The following TDRP variants were observed in gnomAD, a reference collection of about 807,000 sequenced individuals.
The protein encoded by TDRP is testis development-related protein.
Under a neutral mutation model 10.5 loss-of-function variants are expected in TDRP, and 12 were observed. The ratio of observed to expected loss-of-function variants is 1.15; its 90% CI spans 0.73 to 1.86. The LOEUF is 1.86. Ranked by LOEUF, TDRP falls within the 40% of genes most tolerant of loss-of-function variation. The pLI is 0.00. For missense variants in TDRP, 353 were observed against 229.2 expected (o/e 1.54, Z -3.49); for synonymous variants, 139 against 95.4 (o/e 1.46, Z -2.67).
At chr8:494,028 C>G (rs576741893) in intron 2 of TDRP, among the ~76,000 whole-genome samples, 1 of 120,276 alleles carries the variant, frequency 8.3e-6, no homozygotes, top group Non-Finnish European at 1.6e-5. Flanking sequence ...CAGAGTCTTG[C>G]TCTGTTGCCT....
At chr8:538,496 A>G (rs1023096621) in intron 1 of TDRP, among the ~76,000 whole-genome samples, 3 of 152,190 alleles carry the variant, frequency 2.0e-5, no homozygotes, top group East Asian at 1.9e-4. Flanking sequence ...CCGCCTCAAT[A>G]AACACTAGTG....
intron 1 of TDRP, among the ~76,000 whole-genome samples, chr8:515,782 T>C (rs978867273): frequency 3.9e-5 from 6 of 152,154 alleles, no homozygotes; most frequent in Non-Finnish European, 7.4e-5. Context: ...CACTATATAA[T>C]TAAATAAGTA....
chr8:504,485 A>G (rs1801400783), intron 1 of TDRP, among the ~76,000 whole-genome samples: 1 of 152,236 alleles, frequency 6.6e-6, no homozygotes, highest in African/African-American at 2.4e-5. Context: ...AAGTGAAACG[A>G]GAACGGAGCC....
intron 1 of TDRP, among the ~76,000 whole-genome samples, chr8:540,717 G>C (rs929566868): frequency 3.6e-4 from 52 of 145,602 alleles, no homozygotes; most frequent in African/African-American, 1.2e-3. Context: ...AATTATTTTA[G>C]TAATAGTTAA....
intron 1 of TDRP, among the ~76,000 whole-genome samples, chr8:499,533 A>T (rs1801228042): frequency 6.6e-6 from 1 of 152,156 alleles, no homozygotes. Flanking sequence ...ATGCACCTCC[A>T]TGGAGAACAA....
Position 534,340 on chromosome 8 carries a change from G to C in TDRP, c.108+10310C>G, listed in dbSNP as rs1447299509. ...TGCTGTTAAGGGAAACACAAGGCTA[G>C]GGTTCCCGCGAGCCTCTGAATAACA... On this transcript the variant is annotated intron_variant, in intron 1 of 2. Coordinates refer to ENST00000324079, the MANE Select transcript of TDRP (RefSeq NM_001384899.1). 2.6e-5 allele frequency among the ~76,000 whole-genome samples: 4 copies of C among 152,342 alleles called. No individual in the cohort carries two copies. The South Asian group carries it at 8.3e-4, about 32-fold the overall frequency.
At chr8:536,821 C>A (rs533530003) in intron 1 of TDRP, among the ~76,000 whole-genome samples, 1 of 152,098 alleles carries the variant, frequency 6.6e-6, no homozygotes, top group Non-Finnish European at 1.5e-5. Flanking sequence ...CAGCTGAATC[C>A]GGAGCGAATA....
chr8:512,866 G>A (rs113681402), intron 1 of TDRP, among the ~76,000 whole-genome samples: 3 of 152,032 alleles, frequency 2.0e-5, no homozygotes, highest in African/African-American at 4.8e-5. Context: ...CAGCTACTCA[G>A]GAGGCTGAGG....
rs1248637804 is a variant in TDRP, at chr8:491,507, A to G, written c.*892T>C. The G allele has an allele frequency of 1.8e-6, 2 of 1,110,088 alleles. No individual in the cohort carries two copies. Among genetic ancestry groups the G allele is most frequent in the Middle Eastern group, 2.0e-4 (1 of 4,996 alleles). 68.8% of individuals were successfully genotyped at this position (1,110,088 alleles called of 1,614,324 possible). A position where few individuals can be genotyped will look rare whatever the true frequency, so the allele number is the denominator to read the frequency against. On this transcript the variant is annotated 3_prime_UTR_variant, in exon 3 of 3. Coordinates refer to ENST00000324079, the MANE Select transcript of TDRP (RefSeq NM_001384899.1). ...AAACACAGCTTCTTACAGATCTAACACCAATCACAATAGGCATCTCGCTTT... is the reference window on the plus strand; with the variant it reads ...AAACACAGCTTCTTACAGATCTAACGCCAATCACAATAGGCATCTCGCTTT...
At position 490,050 on chromosome 8, in the gene TDRP, G is replaced by A. The variant is rs1217885401; in HGVS notation, c.*2349C>T. On this transcript the variant is annotated 3_prime_UTR_variant, in exon 3 of 3. Transcript: ENST00000324079. ...ATTAAAAAATAAAAAAAGTACAGTAGAAGGAGCACAGGACAACTCTCTTCA... is the reference window on the plus strand; with the variant it reads ...ATTAAAAAATAAAAAAAGTACAGTAAAAGGAGCACAGGACAACTCTCTTCA... The A allele has an allele frequency of 6.6e-6, 1 of 152,198 alleles. No individual in the cohort carries two copies. Among genetic ancestry groups the A allele is most frequent in the African/African-American group, 2.4e-5 (1 of 41,444 alleles). 9.4% of individuals were successfully genotyped at this position (152,198 alleles called of 1,614,324 possible). A position where few individuals can be genotyped will look rare whatever the true frequency, so the allele number is the denominator to read the frequency against.
At chr8:505,239 G>C (rs1584858968) in intron 1 of TDRP, among the ~76,000 whole-genome samples, 1 of 152,166 alleles carries the variant, frequency 6.6e-6, no homozygotes, top group Non-Finnish European at 1.5e-5. Context: ...CAGCAGGTTT[G>C]TTAAGAACTG....
At chr8:505,588 C>G (rs1021787173) in intron 1 of TDRP, among the ~76,000 whole-genome samples, 1 of 152,196 alleles carries the variant, frequency 6.6e-6, no homozygotes, top group African/African-American at 2.4e-5. Context: ...CCATCAACTT[C>G]CAGCCATTTC....
At chr8:517,271 T>A (rs537095032) in intron 1 of TDRP, among the ~76,000 whole-genome samples, 3 of 152,236 alleles carry the variant, frequency 2.0e-5, no homozygotes, top group African/African-American at 7.2e-5. Flanking sequence ...CCCCAAAATA[T>A]ATTTCACATA....
chr8:542,239 G>A (rs1030254538), intron 1 of TDRP, among the ~76,000 whole-genome samples: 1 of 152,180 alleles, frequency 6.6e-6, no homozygotes, highest in African/African-American at 2.4e-5. Context: ...ATGTTTGCCA[G>A]GGGTTCCGGG....
Position 492,564 on chromosome 8 carries a change from T to C in TDRP, c.393A>G (p.Pro131=). The change falls in exon 3 of 3, where the codon CCA becomes CCG. Residue 131 remains proline (P), a synonymous_variant. Transcript: ENST00000324079. ...CGTCATCCTCCCAGCCTGACCAGGA[T>C]GGGTGGCCACCCACGGTGTCCTCAG... ...ADPEDTVGGH[P]SWSGWEDDAK... 2 of 1,613,284 alleles carry C rather than the reference T, an allele frequency of 1.2e-6. No homozygotes were observed. The highest frequency in any genetic ancestry group is 8.5e-7 in the Non-Finnish European group (1 of 1,179,472).
Position 515,400 on chromosome 8 carries a change from G to C in TDRP, c.109-20803C>G, listed in dbSNP as rs576891913. ...AGTTTGAGTGCCCCTTATCTGAGAT[G>C]CTTGGAACCAGAAGTATTTCAGATT... On this transcript the variant is annotated intron_variant, in intron 1 of 2. Coordinates refer to ENST00000324079, the MANE Select transcript of TDRP (RefSeq NM_001384899.1). 2.3e-3 allele frequency among the ~76,000 whole-genome samples: 350 copies of C among 152,292 alleles called. 2 individuals carry two copies. The highest frequency in any genetic ancestry group is 4.2e-3 in the Non-Finnish European group (285 of 68,032).
At chr8:517,842 G>C (rs143807334) in intron 1 of TDRP, among the ~76,000 whole-genome samples, 7 of 152,150 alleles carry the variant, frequency 4.6e-5, no homozygotes, top group African/African-American at 9.7e-5. Flanking sequence ...CTTACTAAGT[G>C]AAAGAAGCCA....
rs372925996 is a variant in TDRP, at chr8:492,760, G to A, written c.213-16C>T. On this transcript the variant is annotated splice_polypyrimidine_tract_variant and intron_variant, in intron 2 of 2. Coordinates refer to ENST00000324079, the MANE Select transcript of TDRP (RefSeq NM_001384899.1). ...TAAGTTAGTTCTATAGGAGATGAAAGAGTTAGGTGTTGGTGACCCAGGTCT... is the reference window on the plus strand; with the variant it reads ...TAAGTTAGTTCTATAGGAGATGAAAAAGTTAGGTGTTGGTGACCCAGGTCT... 1 of 1,564,686 alleles carries A rather than the reference G, an allele frequency of 6.4e-7. No individual in the cohort carries two copies. Among genetic ancestry groups the A allele is most frequent in the Admixed American group, 1.8e-5 (1 of 55,074 alleles).
intron 1 of TDRP, among the ~76,000 whole-genome samples, chr8:542,857 CAA>C (rs34967419): frequency 9.5e-5 from 10 of 105,732 alleles, no homozygotes; most frequent in African/African-American, 2.9e-4. Flanking sequence ...AACTTCATCT[CAA>C]AAAAAAAAAA....
Sources: gnomAD v4.1 joint callset for allele counts (sites outside exome capture counted in the v4.1 genomes callset) on GRCh38, gnomAD v4.1.1 for gene constraint, MANE v1.5 for transcripts, NCBI Gene and HGNC (gene_info 2026-07-23, HGNC 2026-07-21) for gene names.